The following CSGALNACT1 variants were observed in gnomAD, a reference collection of about 807,000 sequenced individuals.
CSGALNACT1 encodes chondroitin sulfate N-acetylgalactosaminyltransferase 1.
In CSGALNACT1, 52 loss-of-function variants were observed where a neutral mutation model predicts 51.0. That is an observed-to-expected ratio of 1.02 (90% CI 0.82 to 1.29). CSGALNACT1 has a LOEUF of 1.29. CSGALNACT1 is among the 50% of genes most tolerant of loss of function. The pLI is 0.00. For missense variants in CSGALNACT1, 935 were observed against 679.2 expected (o/e 1.38, Z -4.19); for synonymous variants, 341 against 254.4 (o/e 1.34, Z -3.24).
chr8:19,462,027 C>T (rs373695178), intron 4 of CSGALNACT1, among the ~76,000 whole-genome samples: 1 of 152,238 alleles, frequency 6.6e-6, no homozygotes, highest in African/African-American at 2.4e-5. Context: ...ACACAGCAGC[C>T]ACATTCGCCG....
At chr8:19,457,425 CA>C in intron 5 of CSGALNACT1, 1 of 358,638 alleles carries the variant, frequency 2.8e-6, no homozygotes, top group Admixed American at 3.7e-5. Context: ...CTAGCCCGGC[CA>C]AAATGGCGAA....
In CSGALNACT1 at chr8:19,653,097, G is replaced by A. The variant is rs981811161; in HGVS notation, c.-544+29376C>T. Among the ~76,000 whole-genome samples the A allele has an allele frequency of 3.9e-5, 6 of 152,030 alleles. No homozygotes were observed. The East Asian group carries it at 5.8e-4, about 15-fold the overall frequency. On this transcript the variant is annotated intron_variant, in intron 1 of 9. Coordinates refer to the CSGALNACT1 transcript ENST00000332246. ...AAAACTGAACCCACTGCCACAGTTC[G>A]AACCAACTCCCCCCTCCTAGAATCA... is the stretch of plus-strand genomic sequence containing the variant.
intron 1 of CSGALNACT1, among the ~76,000 whole-genome samples, chr8:19,637,866 T>C: frequency 6.9e-6 from 1 of 144,600 alleles, no homozygotes; most frequent in Admixed American, 7.0e-5. Context: ...TAAACAAACA[T>C]AGAAGAAGTG....
At position 19,634,249 on chromosome 8, in the gene CSGALNACT1, T is replaced by C. The variant is rs77381860; in HGVS notation, c.-543-32384A>G. On this transcript the variant is annotated intron_variant, in intron 1 of 9. Transcript: ENST00000332246. ...CTGGATTATTTCCTCCCAAAATTCC[T>C]ATGTTGAAGCCTTAACTCCTTAGTG... is the stretch of plus-strand genomic sequence containing the variant. Among the ~76,000 whole-genome samples the C allele has an allele frequency of 9.6e-3, 1,464 of 152,298 alleles. 25 individuals are homozygous for C. The highest frequency in any genetic ancestry group is 0.033 in the African/African-American group (1,379 of 41,558).
At chr8:19,455,023 C>G (rs2063829501) in intron 5 of CSGALNACT1, among the ~76,000 whole-genome samples, 1 of 152,174 alleles carries the variant, frequency 6.6e-6, no homozygotes, top group African/African-American at 2.4e-5. Context: ...TTATTCCCAG[C>G]TGGCAAGCAA....
intron 1 of CSGALNACT1, among the ~76,000 whole-genome samples, chr8:19,698,856 T>A (rs896971536): frequency 4.6e-5 from 7 of 152,312 alleles, no homozygotes; most frequent in African/African-American, 1.7e-4. Context: ...GGGGACTGGT[T>A]CCAGGACTCC....
intron 3 of CSGALNACT1, among the ~76,000 whole-genome samples, chr8:19,585,822 G>C (rs1328847024): frequency 6.6e-6 from 1 of 152,080 alleles, no homozygotes; most frequent in Non-Finnish European, 1.5e-5. Context: ...AGAGTTCCAG[G>C]TCCCAGTAGC....
intron 3 of CSGALNACT1, among the ~76,000 whole-genome samples, chr8:19,545,775 T>C (rs2086320091): frequency 6.7e-6 from 1 of 149,422 alleles, no homozygotes; most frequent in Non-Finnish European, 1.5e-5. Flanking sequence ...GATATATATA[T>C]ATATTTGTAA....
At chr8:19,612,946 GAAAAAAAAAAAAAAAAAA>G (rs1165754811) in intron 1 of CSGALNACT1, among the ~76,000 whole-genome samples, 598 of 15,526 alleles carry the variant, frequency 0.039, 28 homozygotes, top group African/African-American at 0.078. Context: ...AAAGCAGCTG[GAAAAAAAAAAAAAAAAAA>G]AAAAAAAAAA....
chr8:19,483,721 C>T (rs2072095974), intron 4 of CSGALNACT1, among the ~76,000 whole-genome samples: 1 of 152,212 alleles, frequency 6.6e-6, no homozygotes, highest in African/African-American at 2.4e-5. Context: ...GTTTACTCAT[C>T]TGTGCAGCCC....
At chr8:19,544,486 C>T (rs1413084628) in intron 3 of CSGALNACT1, among the ~76,000 whole-genome samples, 3 of 152,084 alleles carry the variant, frequency 2.0e-5, no homozygotes, top group East Asian at 1.9e-4. Context: ...CTAACAATTT[C>T]GTGTGTTTTC....
chr8:19,537,594 A>G (rs2084055708), intron 3 of CSGALNACT1, among the ~76,000 whole-genome samples: 1 of 152,182 alleles, frequency 6.6e-6, no homozygotes, highest in Non-Finnish European at 1.5e-5. Context: ...TTCCAAGCCT[A>G]CAGGATGGGA....
At chr8:19,433,048 C>G (rs147608471) in intron 6 of CSGALNACT1, among the ~76,000 whole-genome samples, 1 of 151,936 alleles carries the variant, frequency 6.6e-6, no homozygotes, top group Non-Finnish European at 1.5e-5. Context: ...TTATGGTAAG[C>G]CTAGAAAGTA....
In CSGALNACT1 at chr8:19,527,893, G is replaced by A. The variant is rs376937115; in HGVS notation, c.-296-21763C>T. On this transcript the variant is annotated intron_variant, in intron 3 of 9. Transcript: ENST00000454498. ...AAAAGAAGAGCTGTACGCCAGAGAGGTAGATTCAGGGCCACTGGCATATTG... is the reference window on the plus strand; with the variant it reads ...AAAAGAAGAGCTGTACGCCAGAGAGATAGATTCAGGGCCACTGGCATATTG... 6.6e-5 allele frequency among the ~76,000 whole-genome samples: 10 copies of A among 152,290 alleles called. No homozygotes were observed. In the East Asian group the frequency reaches 1.9e-3, roughly 29 times the overall value.
intron 4 of CSGALNACT1, among the ~76,000 whole-genome samples, chr8:19,503,902 T>C (rs986791108): frequency 3.3e-5 from 5 of 152,052 alleles, no homozygotes; most frequent in Non-Finnish European, 7.4e-5. Context: ...ACTTATCAAG[T>C]CTAAAAAAGC....
rs1589266383 is a variant in CSGALNACT1 at position 19,650,536 on chromosome 8, C to T, written c.-544+31937G>A. Among the ~76,000 whole-genome samples, 3 of 152,124 alleles carry T rather than the reference C, an allele frequency of 2.0e-5. No individual in the cohort carries two copies. In the South Asian group the frequency reaches 6.2e-4, roughly 32 times the overall value. ...TCAAATGCAATCCAATGGGCACCAA[C>T]AATATGCTCAGCAATGGTCGAACAG... On this transcript the variant is annotated intron_variant, in intron 1 of 9. Transcript: ENST00000332246.
intron 3 of CSGALNACT1, among the ~76,000 whole-genome samples, chr8:19,558,090 G>A (rs2039871380): frequency 6.6e-6 from 1 of 152,172 alleles, no homozygotes; most frequent in Non-Finnish European, 1.5e-5. Flanking sequence ...GGCTGCTTTT[G>A]TCTCATCTCA....
intron 1 of CSGALNACT1, among the ~76,000 whole-genome samples, chr8:19,664,830 A>T (rs1474683279): frequency 6.6e-6 from 1 of 152,228 alleles, no homozygotes; most frequent in East Asian, 1.9e-4. Flanking sequence ...AGTGTGAGCT[A>T]AATAATGTAT....
Position 19,585,789 on chromosome 8 carries a change from A to T in CSGALNACT1, c.-297+5371T>A, listed in dbSNP as rs963842843. ...TTCAATTCAACCTCCATGTTACCAA[A>T]TTATCATTTGTATTTTCCAACCAGA... On this transcript the variant is annotated intron_variant, in intron 3 of 9. Transcript: ENST00000454498. Among the ~76,000 whole-genome samples the T allele has an allele frequency of 3.3e-5, 5 of 152,244 alleles. No homozygotes were observed. The East Asian group carries it at 9.7e-4, about 29-fold the overall frequency.
Sources: gnomAD v4.1 joint callset for allele counts (sites outside exome capture counted in the v4.1 genomes callset) on GRCh38, gnomAD v4.1.1 for gene constraint, MANE v1.5 for transcripts, NCBI Gene and HGNC (gene_info 2026-07-23, HGNC 2026-07-21) for gene names.